HUNK: variants seen among roughly 807,000 people sequenced by gnomAD.
HUNK encodes hormonally up-regulated Neu-associated kinase.
HUNK carries 21 observed loss-of-function variants against 61.0 expected under a neutral mutation model. The ratio of observed to expected loss-of-function variants is 0.34; its 90% confidence interval spans 0.24 to 0.50. The LOEUF (loss-of-function observed/expected upper bound fraction) is 0.50. Ranked by LOEUF, HUNK falls within the 20% of genes least tolerant of loss-of-function variation. The pLI, the probability that HUNK is intolerant of heterozygous loss-of-function variation, is 0.98. For missense variants in HUNK, 772 were observed against 945.7 expected (o/e 0.82, Z 2.41); for synonymous variants, 371 against 386.1 (o/e 0.96, Z 0.46).
Position 31,968,721 on chromosome 21 carries a change from T to A in HUNK, c.1010+336T>A, listed in dbSNP as rs1174312120. Among the ~76,000 whole-genome samples the A allele has an allele frequency of 9.4e-3, 865 of 91,858 alleles. 3 individuals are homozygous for A. The highest frequency in any genetic ancestry group is 0.027 in the East Asian group (85 of 3,128). 60.3% of individuals were successfully genotyped at this position (91,858 alleles called of 152,430 possible). A position where few individuals can be genotyped will look rare whatever the true frequency, so the allele number is the denominator to read the frequency against. ...TGAGACTAGCTGTGGCCCGAGTGTGTGTGTGTGTGTGTGTGTGTGTGTGTG... is the reference window on the plus strand; with the variant it reads ...TGAGACTAGCTGTGGCCCGAGTGTGAGTGTGTGTGTGTGTGTGTGTGTGTG... On this transcript the variant is annotated intron_variant, in intron 6 of 10. Coordinates refer to ENST00000270112, the MANE Select transcript of HUNK (RefSeq NM_014586.2).
intron 1 of HUNK, among the ~76,000 whole-genome samples, chr21:31,921,816 T>C (rs1415868262): frequency 6.6e-6 from 1 of 152,186 alleles, no homozygotes; most frequent in East Asian, 1.9e-4. Context: ...CTTTTTTGTT[T>C]TCTTTTTGTT....
chr21:31,983,456 T>A, intron 7 of HUNK, 70 bp from the exon 8 acceptor site: 1 of 1,264,408 alleles, frequency 7.9e-7, no homozygotes, highest in East Asian at 2.3e-5. Context: ...GGTTTAAAAA[T>A]TAATGACTGC....
intron 1 of HUNK, among the ~76,000 whole-genome samples, chr21:31,883,111 G>A (rs1360630940): frequency 6.6e-6 from 1 of 151,926 alleles, no homozygotes; most frequent in Non-Finnish European, 1.5e-5. Flanking sequence ...TGTATCTGAG[G>A]GGTAAATTCC....
chr21:31,911,933 T>TG (rs2052548430), intron 1 of HUNK, among the ~76,000 whole-genome samples: 2 of 104 alleles, frequency 0.019, no homozygotes, highest in African/African-American at 0.1. Flanking sequence ...GCAGGGACGA[T>TG]AGTCACTGCC....
At chr21:31,943,159 T>A (rs2052780383) in intron 3 of HUNK, among the ~76,000 whole-genome samples, 1 of 152,224 alleles carries the variant, frequency 6.6e-6, no homozygotes, top group Admixed American at 6.5e-5. Flanking sequence ...TTGAAAGAAT[T>A]TGGTTTAAAT....
chr21:31,968,288 C>T lies in HUNK; in HGVS notation c.913C>T (p.Pro305Ser). The change falls in exon 6 of 11, where the codon CCT becomes TCT. Residue 305 changes from proline (P) to serine (S), a missense_variant. Pro to Ser is a moderately conservative substitution (Grantham distance 74, BLOSUM62 -1). Coordinates refer to ENST00000270112, the MANE Select transcript of HUNK (RefSeq NM_014586.2). Reference protein sequence around the residue: ...SFLRSLLEPDPVKRPNIQQAL... With the variant: ...SFLRSLLEPDSVKRPNIQQAL... ...CCTGCGCTCTCTCCTGGAACCGGAT[C>T]CTGTGAAGAGGCCAAATATTCAGCA... 6.2e-7 allele frequency: 1 copy of T among 1,614,166 alleles called. No individual in the cohort carries two copies. Among genetic ancestry groups the T allele is most frequent in the Non-Finnish European group, 8.5e-7 (1 of 1,180,014 alleles).
At chr21:31,936,994 G>C (rs1052306753) in intron 2 of HUNK, among the ~76,000 whole-genome samples, 1 of 152,172 alleles carries the variant, frequency 6.6e-6, no homozygotes, top group Non-Finnish European at 1.5e-5. Flanking sequence ...GAAACAAACT[G>C]TGGCCTTCCT....
chr21:31,921,412 G>T (rs1485356823), intron 1 of HUNK, among the ~76,000 whole-genome samples: 1 of 149,636 alleles, frequency 6.7e-6, no homozygotes, highest in Non-Finnish European at 1.5e-5. Context: ...TGGTAGGGAG[G>T]TTAGCCTCTG....
Position 31,975,942 on chromosome 21 carries a change from G to C in HUNK, c.1173+1225G>C, listed in dbSNP as rs1006288556. Among the ~76,000 whole-genome samples the C allele has an allele frequency of 4.6e-5, 7 of 152,222 alleles. 1 individual carries two copies. Among genetic ancestry groups the C allele is most frequent in the Admixed American group, 2.0e-4 (3 of 15,284 alleles). ...CCACGGGAGGTTGGTTAAACATTTGGATGAAAGTACAGATGTTTCTAAGCT... is the reference window on the plus strand; with the variant it reads ...CCACGGGAGGTTGGTTAAACATTTGCATGAAAGTACAGATGTTTCTAAGCT... On this transcript the variant is annotated intron_variant, in intron 7 of 10. Coordinates refer to ENST00000270112, the MANE Select transcript of HUNK (RefSeq NM_014586.2).
intron 3 of HUNK, 95 bp from the exon 4 acceptor site, chr21:31,945,941 T>C: frequency 1.6e-6 from 2 of 1,254,636 alleles, no homozygotes; most frequent in Middle Eastern, 2.0e-4. Flanking sequence ...GAATGTTTCC[T>C]TTCCTGCTGC....
At chr21:31,950,375 A>C (rs2052841190) in intron 4 of HUNK, among the ~76,000 whole-genome samples, 12 of 152,216 alleles carry the variant, frequency 7.9e-5, no homozygotes. Flanking sequence ...CCTAGCACAT[A>C]TGGCTGCACA....
At chr21:31,926,577 A>G (rs576049899) in intron 2 of HUNK, among the ~76,000 whole-genome samples, 1 of 152,170 alleles carries the variant, frequency 6.6e-6, no homozygotes, top group African/African-American at 2.4e-5. Flanking sequence ...TGGCCATTTC[A>G]TATAAATGGA....
At chr21:31,934,442 C>CA (rs35817125) in intron 2 of HUNK, among the ~76,000 whole-genome samples, 20,380 of 88,584 alleles carry the variant, frequency 0.23, 2,069 homozygotes, top group East Asian at 0.32. Flanking sequence ...GACTCTGCCT[C>CA]AAAAAAAAAA....
chr21:31,903,999 C>T (rs2052487975), intron 1 of HUNK, among the ~76,000 whole-genome samples: 3 of 152,040 alleles, frequency 2.0e-5, no homozygotes, highest in South Asian at 2.1e-4. Context: ...AGAAATAGCC[C>T]ACTTGCTGGT....
intron 5 of HUNK, among the ~76,000 whole-genome samples, chr21:31,961,530 A>G (rs1290844536): frequency 6.6e-6 from 1 of 152,200 alleles, no homozygotes; most frequent in Non-Finnish European, 1.5e-5. Context: ...TATGTGCATG[A>G]TCTCTGCATC....
At chr21:31,875,301 T>C (rs950781907) in intron 1 of HUNK, among the ~76,000 whole-genome samples, 11 of 152,164 alleles carry the variant, frequency 7.2e-5, no homozygotes, top group African/African-American at 2.7e-4. Flanking sequence ...TTCCCCTCTT[T>C]GTCTTGGAGC....
chr21:31,931,771 C>T (rs540194536), intron 2 of HUNK, among the ~76,000 whole-genome samples: 5 of 152,252 alleles, frequency 3.3e-5, no homozygotes, highest in African/African-American at 4.8e-5. Flanking sequence ...CAACCCTGAG[C>T]GGCTCCCCCA....
chr21:31,932,082 C>G (rs555709628), intron 2 of HUNK, among the ~76,000 whole-genome samples: 24 of 152,364 alleles, frequency 1.6e-4, no homozygotes, highest in African/African-American at 5.8e-4. Context: ...CACTCATGCT[C>G]TCCCCCACGT....
chr21:31,968,511 C>A, intron 6 of HUNK, 126 bp downstream of exon 6: 1 of 1,100,310 alleles, frequency 9.1e-7, no homozygotes, highest in Non-Finnish European at 1.3e-6. Context: ...GGCTATCTCC[C>A]CTTCCCCCTA....
Sources: gnomAD v4.1 joint callset for allele counts (sites outside exome capture counted in the v4.1 genomes callset) on GRCh38, gnomAD v4.1.1 for gene constraint, MANE v1.5 for transcripts, NCBI Gene and HGNC (gene_info 2026-07-23, HGNC 2026-07-21) for gene names.